Variants in FBXL13 observed in about 807,000 individuals in gnomAD.
The protein encoded by FBXL13 is F-box and leucine rich repeat protein 13.
FBXL13 carries 67 observed loss-of-function variants against 83.6 expected under a neutral mutation model. That is an observed-to-expected ratio of 0.80 (90% CI 0.66 to 0.98). The LOEUF is 0.98. FBXL13 is among the 50% of genes least tolerant of loss of function. FBXL13 has a pLI of 0.00. For synonymous variants in FBXL13, 272 were observed against 299.5 expected (o/e 0.91, Z 0.95); for missense variants, 822 against 866.5 (o/e 0.95, Z 0.64).
At chr7:103,017,107 G>C (rs909288929) in intron 6 of FBXL13, among the ~76,000 whole-genome samples, 1 of 152,114 alleles carries the variant, frequency 6.6e-6, no homozygotes, top group Admixed American at 6.5e-5. Context: ...CACACGGCTG[G>C]GTACCCCTCT....
At chr7:102,897,708 AAC>A (rs1309234654) in intron 11 of FBXL13, among the ~76,000 whole-genome samples, 6 of 152,184 alleles carry the variant, frequency 3.9e-5, no homozygotes, top group Admixed American at 6.5e-5. Context: ...TTGCAGAGGA[AAC>A]ACAGTATTTT....
chr7:102,925,312 T>C (rs1408619734), intron 10 of FBXL13, among the ~76,000 whole-genome samples: 1 of 152,124 alleles, frequency 6.6e-6, no homozygotes, highest in African/African-American at 2.4e-5. Context: ...GGAGGATTGT[T>C]TGAAGCCAGG....
chr7:102,944,681 A>G, intron 8 of FBXL13: 1 of 1,347,554 alleles, frequency 7.4e-7, no homozygotes, highest in Admixed American at 2.4e-5. Context: ...TTTACATTTG[A>G]TTAACTGTGT....
intron 8 of FBXL13, among the ~76,000 whole-genome samples, chr7:102,945,125 C>T (rs1455908922): frequency 6.6e-6 from 1 of 152,172 alleles, no homozygotes; most frequent in Non-Finnish European, 1.5e-5. Context: ...GGTCCTGATA[C>T]ATCCAAATTC....
Position 102,878,321 on chromosome 7 carries a change from T to G in FBXL13, c.1508+10A>C. 6.3e-7 allele frequency: 1 copy of G among 1,588,012 alleles called. No individual in the cohort carries two copies. Among genetic ancestry groups the G allele is most frequent in the Non-Finnish European group, 8.5e-7 (1 of 1,169,678 alleles). The stretch of plus-strand genomic sequence containing the variant: ...CTAATGATATGATGTAAAAGACTGT[T>G]TTATCATACCGCTCAGATAGTTTCA... On this transcript the variant is annotated intron_variant, in intron 15 of 19. Coordinates refer to ENST00000313221, the Ensembl canonical transcript of FBXL13.
chr7:102,982,135 T>G (rs1479077410), intron 6 of FBXL13, among the ~76,000 whole-genome samples: 4 of 152,154 alleles, frequency 2.6e-5, no homozygotes, highest in Non-Finnish European at 4.4e-5. Context: ...AGTAATTCCC[T>G]TCTTCGCTTG....
intron 6 of FBXL13, chr7:102,973,439 C>T: frequency 1.4e-6 from 1 of 723,092 alleles, no homozygotes; most frequent in South Asian, 1.4e-5. Flanking sequence ...CAGACTGGGA[C>T]AATTCCTGTT....
intron 1 of FBXL13, among the ~76,000 whole-genome samples, chr7:103,060,065 C>CA (rs1554517936): frequency 0.078 from 2,992 of 38,450 alleles, 119 homozygotes; most frequent in East Asian, 0.34. Flanking sequence ...TATATATATA[C>CA]TTTTTTTTTT....
intron 5 of FBXL13, among the ~76,000 whole-genome samples, chr7:103,026,053 T>C (rs1034760835): frequency 2.0e-5 from 3 of 151,594 alleles, no homozygotes; most frequent in Non-Finnish European, 4.4e-5. Context: ...TATATATTAA[T>C]ATATATCAAC....
At chr7:103,070,332 A>C (rs961452509) in intron 1 of FBXL13, among the ~76,000 whole-genome samples, 2 of 151,848 alleles carry the variant, frequency 1.3e-5, no homozygotes, top group Non-Finnish European at 2.9e-5. Flanking sequence ...CCTGGGTTCA[A>C]GCGATTCTCA....
chr7:103,066,204 A>T (rs528248584), intron 1 of FBXL13, among the ~76,000 whole-genome samples: 125 of 152,354 alleles, frequency 8.2e-4, no homozygotes, highest in African/African-American at 2.7e-3. Context: ...CTAAAATTGC[A>T]TTGAATTTAT....
At chr7:102,942,709 C>T (rs1821703134) in intron 8 of FBXL13, among the ~76,000 whole-genome samples, 1 of 152,078 alleles carries the variant, frequency 6.6e-6, no homozygotes. Flanking sequence ...CAAGACATTG[C>T]TTGGTACCAA....
At chr7:103,067,569 C>A (rs866928786) in intron 1 of FBXL13, among the ~76,000 whole-genome samples, 3 of 152,198 alleles carry the variant, frequency 2.0e-5, no homozygotes, top group Non-Finnish European at 4.4e-5. Flanking sequence ...CCAGCCTCCA[C>A]GCTGTGAGGA....
chr7:102,940,084 G>C (rs1017357670), intron 8 of FBXL13, among the ~76,000 whole-genome samples: 3 of 151,692 alleles, frequency 2.0e-5, no homozygotes, highest in African/African-American at 7.3e-5. Context: ...AGTAGAGATG[G>C]GGTTTCATCA....
intron 6 of FBXL13, among the ~76,000 whole-genome samples, chr7:102,982,926 G>A (rs79658717): frequency 9.7e-4 from 147 of 152,276 alleles, no homozygotes; most frequent in South Asian, 4.4e-3. Context: ...TAAACTCAGC[G>A]TCTTCCAACT....
intron 6 of FBXL13, among the ~76,000 whole-genome samples, chr7:103,018,265 A>G (rs1287968690): frequency 2.0e-5 from 3 of 152,200 alleles, no homozygotes; most frequent in Non-Finnish European, 4.4e-5. Flanking sequence ...TTTACAGACA[A>G]GCAAATACTG....
At chr7:102,817,421 C>T (rs922942481) in intron 19 of FBXL13, among the ~76,000 whole-genome samples, 2 of 151,790 alleles carry the variant, frequency 1.3e-5, no homozygotes, top group Admixed American at 6.6e-5. Context: ...GAGAGGTGTC[C>T]GTTCATGTTT....
intron 14 of FBXL13, among the ~76,000 whole-genome samples, chr7:102,882,275 TAAAAG>T (rs1349772695): frequency 1.3e-5 from 2 of 151,974 alleles, no homozygotes; most frequent in Non-Finnish European, 2.9e-5. Context: ...AATAAATAAA[TAAAAG>T]ATTTTGTGTA....
chr7:102,902,739 G>A (rs1813124733), intron 11 of FBXL13, among the ~76,000 whole-genome samples: 1 of 152,046 alleles, frequency 6.6e-6, no homozygotes, highest in South Asian at 2.1e-4. Context: ...TCCACTGTCG[G>A]TGTATAGATT....
Sources: gnomAD v4.1 joint callset for allele counts (sites outside exome capture counted in the v4.1 genomes callset) on GRCh38, gnomAD v4.1.1 for gene constraint, MANE v1.5 for transcripts, NCBI Gene and HGNC (gene_info 2026-07-23, HGNC 2026-07-21) for gene names.